The following ZBTB4 variants were observed in gnomAD, a reference collection of about 807,000 sequenced individuals.
The protein encoded by ZBTB4 is zinc finger and BTB domain containing 4, also known as zinc finger and BTB domain-containing protein 4.
Under a neutral mutation model 59.8 loss-of-function variants are expected in ZBTB4, and 14 were observed. That is an observed-to-expected ratio of 0.23 (90% CI 0.15 to 0.37). The LOEUF is 0.37. ZBTB4 is among the 10% of genes least tolerant of loss of function. ZBTB4 has a pLI of 1.00. For synonymous variants in ZBTB4, 587 were observed against 575.2 expected, an observed-to-expected ratio of 1.02 and a Z score of -0.29; for missense variants, 1,198 against 1,380.8, an observed-to-expected ratio of 0.87 and a Z score of 2.10.
At chr17:7,472,004 C>T (rs896890615) in intron 1 of ZBTB4, among the ~76,000 whole-genome samples, 1 of 152,180 alleles carries the variant, frequency 6.6e-6, no homozygotes, top group African/African-American at 2.4e-5. Context: ...AGACGCCCTA[C>T]ATCTTGCGGT....
chr17:7,482,402 G>A (rs542384940), upstream of ZBTB4: 28 of 1,613,990 alleles, frequency 1.7e-5, no homozygotes, highest in East Asian at 4.5e-5. Flanking sequence ...TTCTTCCACC[G>A]TCTGCTCCGC....
Position 7,462,557 on chromosome 17 carries a change from T to TGCCGGC in ZBTB4, c.2424_2425insGCCGGC (p.Ala807_Gly808dup). 1 of 1,613,630 alleles carries TGCCGGC rather than the reference T, an allele frequency of 6.2e-7. No individual in the cohort carries two copies. Among genetic ancestry groups the TGCCGGC allele is most frequent in the Non-Finnish European group, 8.5e-7 (1 of 1,179,906 alleles). On this transcript the variant is annotated inframe_insertion, in exon 4 of 4. Coordinates refer to ENST00000380599, the MANE Select transcript of ZBTB4 (RefSeq NM_001128833.2). This position sits in a 1 kb window ranked among gnomAD's most constrained non-coding sequence, Gnocchi z 7.5. ...TCCTCCTTGACATCCCCGGGCCTGG[T>TGCCGGC]GCCAGCGCTGCCCTTGGAATAGGCA...
intron 1 of ZBTB4, among the ~76,000 whole-genome samples, chr17:7,468,441 G>T (rs1220039064): frequency 1.3e-5 from 2 of 152,184 alleles, no homozygotes; most frequent in Non-Finnish European, 2.9e-5. Context: ...GCAGTCAGCA[G>T]CAGAGAAAGC....
upstream of ZBTB4, chr17:7,481,902 T>C: frequency 1.3e-6 from 2 of 1,511,124 alleles, no homozygotes; most frequent in South Asian, 2.6e-5. Flanking sequence ...TCCCACAGGG[T>C]CCCAGACCCC....
In ZBTB4 at chr17:7,462,372, T is replaced by C; in HGVS notation, c.2610A>G (p.Pro870=). ...VVASGGSYVY[P]PVQEFPLALI... The stretch of plus-strand genomic sequence containing the variant: ...AGGCCAGTGGAAATTCCTGCACAGG[T>C]GGGTATACATAGCTGCCCCCGCTTG... The change falls in exon 4 of 4, where the codon CCA becomes CCG. Residue 870 remains proline (P), a synonymous_variant. Coordinates refer to ENST00000380599, the MANE Select transcript of ZBTB4 (RefSeq NM_001128833.2). The surrounding 1 kb of genome is among the most constrained non-coding windows in gnomAD (Gnocchi z 7.5). 1.2e-6 allele frequency: 2 copies of C among 1,613,610 alleles called. No homozygotes were observed. The highest frequency in any genetic ancestry group is 1.1e-5 in the South Asian group (1 of 91,066).
intron 3 of ZBTB4, 148 bp from the exon 4 acceptor site, chr17:7,464,038 G>T: frequency 7.2e-7 from 1 of 1,395,920 alleles, no homozygotes; most frequent in Non-Finnish European, 9.5e-7. Flanking sequence ...CCTCAGTGCA[G>T]GGTGCCCGTC....
Position 7,461,150 on chromosome 17 carries a change from C to T in ZBTB4, c.*790G>A, listed in dbSNP as rs138647816. The T allele has an allele frequency of 9.8e-5, 15 of 152,742 alleles. No individual in the cohort carries two copies. The highest frequency in any genetic ancestry group is 3.6e-4 in the African/African-American group (15 of 41,550). 9.5% of individuals were successfully genotyped at this position (152,742 alleles called of 1,614,324 possible). ...GGTGTGATCTGCTTACCTCTTTTGC[C>T]TTGGAAGAATCTGGAGCTCACTGGA... On this transcript the variant is annotated 3_prime_UTR_variant, in exon 4 of 4. Coordinates refer to ENST00000380599, the MANE Select transcript of ZBTB4 (RefSeq NM_001128833.2).
rs1283358597 is a variant in ZBTB4 at position 7,462,475 on chromosome 17, G to A, written c.2507C>T (p.Thr836Ile). Residue 836 changes from threonine to isoleucine, a missense_variant, in exon 4 of 4, where the codon ACT (threonine) becomes ATT (isoleucine). This residue lies in a region of ZBTB4 where 211 missense variants were observed against 236.1 expected (regional missense o/e 0.89). Transcript: ENST00000380599. The surrounding 1 kb of genome is among the most constrained non-coding windows in gnomAD (Gnocchi z 7.5). ...SSSGEAGGGS[T>I]AAEEASETAS... ...GGTCTCGGAAGCTTCCTCAGCAGCA[G>A]TGCTCCCGCCACCTGCCTCACCGCT... 2 of 1,613,866 alleles carry A rather than the reference G, an allele frequency of 1.2e-6. No individual in the cohort carries two copies. The highest frequency in any genetic ancestry group is 3.3e-5 in the Admixed American group (2 of 60,006).
chr17:7,463,332 C>A lies in ZBTB4; in HGVS notation c.1650G>T (p.Met550Ile), dbSNP rs871990. 5.0e-6 allele frequency: 8 copies of A among 1,606,790 alleles called. No individual in the cohort carries two copies. Among genetic ancestry groups the A allele is most frequent in the East Asian group, 4.5e-5 (2 of 44,692 alleles). Reference protein sequence around the residue: ...VSPATAAGPAMATTTEEAKGR... With the variant: ...VSPATAAGPAIATTTEEAKGR... ...CCTTGGCCTCCTCCGTGGTGGTGGC[C>A]ATGGCTGGCCCTGCAGCGGTGGCTG... Residue 550 changes from methionine to isoleucine, a missense_variant, in exon 4 of 4, where the codon ATG (methionine) becomes ATT (isoleucine). Met to Ile is a conservative substitution (Grantham distance 10). Around this residue, in one of 9 missense-constraint regions of ZBTB4, gnomAD observed 550 missense variants for 541.8 expected, o/e 1.02. Transcript: ENST00000380599.
chr17:7,478,275 C>T (rs1244139405), intron 1 of ZBTB4, among the ~76,000 whole-genome samples: 1 of 152,144 alleles, frequency 6.6e-6, no homozygotes, highest in Non-Finnish European at 1.5e-5. Context: ...GCCCATGATC[C>T]CATAAACACA....
intron 3 of ZBTB4, among the ~76,000 whole-genome samples, chr17:7,464,345 T>C (rs2150851678): frequency 1.3e-5 from 1 of 76,708 alleles, no homozygotes; most frequent in South Asian, 4.4e-4. Flanking sequence ...CCTCAGCTGA[T>C]GAACCCTGGA....
intron 3 of ZBTB4, among the ~76,000 whole-genome samples, chr17:7,464,893 A>C (rs545847435): frequency 6.7e-6 from 1 of 150,268 alleles, no homozygotes; most frequent in South Asian, 2.1e-4. Context: ...GCGGTGGCTC[A>C]TGCCTGTAAT....
At chr17:7,472,316 G>A (rs1437479751) in intron 1 of ZBTB4, among the ~76,000 whole-genome samples, 2 of 151,692 alleles carry the variant, frequency 1.3e-5, no homozygotes, top group Non-Finnish European at 2.9e-5. Context: ...TCTGCCTCCC[G>A]AGTAGCTGGG....
chr17:7,469,615 A>T (rs942527468), intron 1 of ZBTB4, among the ~76,000 whole-genome samples: 9 of 151,360 alleles, frequency 5.9e-5, no homozygotes, highest in Non-Finnish European at 1.3e-4. Flanking sequence ...TAAAAAAAAA[A>T]TTAGCCAGGC....
In ZBTB4 at chr17:7,462,729, GC is replaced by G; in HGVS notation, c.2252del (p.Gly751AlafsTer30). 1 of 1,603,824 alleles carries G rather than the reference GC, an allele frequency of 6.2e-7. No individual in the cohort carries two copies. ...LRKHQEAHGG[G>X]SHSSRAGRRP... is the part of the protein sequence containing the mutation. ...TCCGTCCGGCCCGGGAGCTGTGGGA[GC>G]CCCCACCGTGGGCCTCTTGGTGCTT... On this transcript the variant is annotated frameshift_variant, in exon 4 of 4. Transcript: ENST00000380599. LOFTEE classifies it high-confidence loss of function. This position sits in a 1 kb window ranked among gnomAD's most constrained non-coding sequence, Gnocchi z 7.5.
chr17:7,480,886 G>A (rs1034803009), upstream of ZBTB4, among the ~76,000 whole-genome samples: 9 of 151,778 alleles, frequency 5.9e-5, no homozygotes, highest in South Asian at 4.2e-4. Flanking sequence ...TGGGCACGGT[G>A]GCTCATGCCT....
At chr17:7,465,161 A>T (rs1378020849) in intron 3 of ZBTB4, among the ~76,000 whole-genome samples, 1 of 147,920 alleles carries the variant, frequency 6.8e-6, no homozygotes, top group African/African-American at 2.5e-5. Context: ...GTCTCAAAAA[A>T]AAAAAATAAA....
rs945391961 is a variant in ZBTB4 at position 7,462,883 on chromosome 17, T to C, written c.2099A>G (p.Gln700Arg). ...CTCCCAGCTCCTCCGTTCCAGCTTC[T>C]GCCTCCAACGTGGTGGCCGGCGGCC... is the stretch of plus-strand genomic sequence containing the variant. ...PRGRRPPRWR[Q>R]KLERRSWEET... The change falls in exon 4 of 4, where the codon CAG (glutamine) becomes CGG (arginine). Residue 700 changes from glutamine (Q) to arginine (R), a missense_variant. Physicochemically the swap from Gln to Arg is conservative, Grantham distance 43 (BLOSUM62 1). This residue lies in a region of ZBTB4 where 550 missense variants were observed against 541.8 expected (regional missense o/e 1.02). Coordinates refer to ENST00000380599, the MANE Select transcript of ZBTB4 (RefSeq NM_001128833.2). The surrounding 1 kb of genome is among the most constrained non-coding windows in gnomAD (Gnocchi z 7.5). The C allele has an allele frequency of 3.1e-6, 5 of 1,607,444 alleles. No homozygotes were observed. The Admixed American group carries it at 6.7e-5, about 21-fold the overall frequency.
At chr17:7,471,842 GA>G (rs1268760045) in intron 1 of ZBTB4, among the ~76,000 whole-genome samples, 1 of 152,098 alleles carries the variant, frequency 6.6e-6, no homozygotes, top group African/African-American at 2.4e-5. Flanking sequence ...AAGTAGTGAA[GA>G]AAAAAAGGCA....
Sources: allele counts gnomAD v4.1 joint callset (sites outside exome capture counted in the v4.1 genomes callset), GRCh38; gene constraint gnomAD v4.1.1; regional missense constraint gnomAD v4.1.1; non-coding constraint Gnocchi (gnomAD v3.1); transcripts MANE v1.5; gene names NCBI Gene and HGNC (gene_info 2026-07-23, HGNC 2026-07-21).